The following CYP2C18 variants were observed in gnomAD, a reference collection of about 807,000 sequenced individuals.
CYP2C18 encodes cytochrome P450 2C18.
A neutral mutation model predicts 41.3 loss-of-function variants in CYP2C18; 38 were observed. The observed-to-expected ratio is 0.92, with a 90% CI of 0.71 to 1.21. CYP2C18 has a LOEUF of 1.21. Ranked by LOEUF, CYP2C18 falls within the 50% of genes most tolerant of loss-of-function variation. The pLI is 0.00. For synonymous variants in CYP2C18, 236 were observed against 210.0 expected (o/e 1.12, Z -1.07); for missense variants, 635 against 591.4 (o/e 1.07, Z -0.77).
intron 4 of CYP2C18, among the ~76,000 whole-genome samples, chr10:94,700,114 T>C (rs868710020): frequency 6.6e-6 from 1 of 152,132 alleles, no homozygotes; most frequent in East Asian, 1.9e-4. Flanking sequence ...CTGCACAGAA[T>C]TGGAAAAAAC....
chr10:94,687,670 C>T (rs938363690), intron 1 of CYP2C18, 100 bp from the exon 2 acceptor site: 3 of 1,054,780 alleles, frequency 2.8e-6, no homozygotes, highest in Admixed American at 4.6e-5. Context: ...ACAGAATAAT[C>T]ATAACAACAT....
chr10:94,733,461 T>C, intron 8 of CYP2C18, 23 bp downstream of exon 8: 1 of 1,612,270 alleles, frequency 6.2e-7, no homozygotes, highest in East Asian at 2.2e-5. Context: ...CATTTCCATC[T>C]GTCCTTCAGG....
chr10:94,698,104 C>T (rs1004480599), intron 4 of CYP2C18, among the ~76,000 whole-genome samples: 2 of 152,096 alleles, frequency 1.3e-5, no homozygotes, highest in Admixed American at 6.6e-5. Context: ...TATCCAGGAA[C>T]TGAACTCAGC....
intron 3 of CYP2C18, among the ~76,000 whole-genome samples, chr10:94,689,802 T>C (rs1323949855): frequency 2.0e-5 from 3 of 152,182 alleles, no homozygotes; most frequent in Non-Finnish European, 2.9e-5. Context: ...TGATACACCA[T>C]GGATACAGAG....
intron 5 of CYP2C18, among the ~76,000 whole-genome samples, chr10:94,714,612 G>A (rs1847505992): frequency 6.6e-6 from 1 of 152,210 alleles, no homozygotes; most frequent in African/African-American, 2.4e-5. Context: ...CAGGTAGCAT[G>A]ATGCCTCCAG....
intron 4 of CYP2C18, among the ~76,000 whole-genome samples, chr10:94,695,370 C>G (rs1345859141): frequency 6.6e-6 from 1 of 152,100 alleles, no homozygotes; most frequent in Non-Finnish European, 1.5e-5. Flanking sequence ...TCACCTCCCA[C>G]TTAAGAGTGA....
At chr10:94,688,063 G>A in intron 2 of CYP2C18, 62 bp from the exon 3 acceptor site, 1 of 1,609,788 alleles carries the variant, frequency 6.2e-7, no homozygotes, top group South Asian at 1.1e-5. Flanking sequence ...TGGCTGCCGA[G>A]TGTCAGCTCT....
At chr10:94,731,239 G>A (rs1017464337) in intron 7 of CYP2C18, among the ~76,000 whole-genome samples, 1 of 152,050 alleles carries the variant, frequency 6.6e-6, no homozygotes. Context: ...AGTTAGCCAG[G>A]CAAGGTGGCA....
Position 94,733,419 on chromosome 10 carries a change from C to G in CYP2C18, c.1272C>G (p.Tyr424Ter), listed in dbSNP as rs1189330145. Residue 424 changes from tyrosine (Y) to a stop codon, truncating the protein, a stop_gained, in exon 8 of 9, where the codon TAC becomes TAG. Transcript: ENST00000285979. LOFTEE classifies it low-confidence loss of function (END_TRUNC). ...GTGGCAACTTTAAGAAAAGTGACTACTTCATGCCTTTCTCAGCAGGTAATA... is the reference window on the plus strand; with the variant it reads ...GTGGCAACTTTAAGAAAAGTGACTAGTTCATGCCTTTCTCAGCAGGTAATA... ...DKSGNFKKSD[Y>*]FMPFSAGKRM... 2.5e-6 allele frequency: 4 copies of G among 1,613,288 alleles called. No homozygotes were observed. Among genetic ancestry groups the G allele is most frequent in the African/African-American group, 2.7e-5 (2 of 74,972 alleles).
At chr10:94,703,085 C>T (rs1447434865) in intron 4 of CYP2C18, among the ~76,000 whole-genome samples, 2 of 152,194 alleles carry the variant, frequency 1.3e-5, no homozygotes, top group Non-Finnish European at 2.9e-5. Flanking sequence ...GCAAAGATTG[C>T]TGCCTGCTCC....
At chr10:94,724,606 C>G (rs1350637723) in intron 7 of CYP2C18, 73 bp downstream of exon 7, 2 of 1,345,130 alleles carry the variant, frequency 1.5e-6, no homozygotes, top group Non-Finnish European at 2.1e-6. Flanking sequence ...TCCCAATCCT[C>G]TAACAACACA....
chr10:94,711,460 A>C (rs1372644183), intron 5 of CYP2C18, among the ~76,000 whole-genome samples: 2 of 151,924 alleles, frequency 1.3e-5, no homozygotes, highest in Admixed American at 1.3e-4. Context: ...CCAGGCTGGA[A>C]TGCATTGGCA....
At position 94,720,457 on chromosome 10, in the gene CYP2C18, T is replaced by C. The variant is rs1282732470; in HGVS notation, c.881T>C (p.Met294Thr). 6.2e-7 allele frequency: 1 copy of C among 1,613,282 alleles called. No individual in the cohort carries two copies. Among genetic ancestry groups the C allele is most frequent in the Non-Finnish European group, 8.5e-7 (1 of 1,179,472 alleles). ...AGCTTGATAGCCACTGTAACTGATA[T>C]GTTTGGGGCTGGAACAGAGACAACG... ...VESLIATVTD[M>T]FGAGTETTST... is the part of the protein sequence containing the mutation. The change falls in exon 6 of 9, where the codon ATG (methionine) becomes ACG (threonine). Residue 294 changes from methionine (M) to threonine (T), a missense_variant. By Grantham distance (81) the Met-to-Thr change is moderately conservative. Transcript: ENST00000285979.
chr10:94,718,449 A>G (rs554401305), intron 5 of CYP2C18, among the ~76,000 whole-genome samples: 4 of 152,174 alleles, frequency 2.6e-5, no homozygotes, highest in Admixed American at 1.3e-4. Context: ...TTCTTGTCTC[A>G]TTGCTCTGGC....
At chr10:94,727,971 T>C (rs1264539010) in intron 7 of CYP2C18, among the ~76,000 whole-genome samples, 1 of 152,176 alleles carries the variant, frequency 6.6e-6, no homozygotes, top group Non-Finnish European at 1.5e-5. Flanking sequence ...GGAATTATTA[T>C]CAATACATTA....
At chr10:94,713,327 C>G (rs184596937) in intron 5 of CYP2C18, among the ~76,000 whole-genome samples, 1 of 152,050 alleles carries the variant, frequency 6.6e-6, no homozygotes, top group East Asian at 1.9e-4. Flanking sequence ...GCTATCCCTC[C>G]CCGCTCCCCC....
intron 5 of CYP2C18, among the ~76,000 whole-genome samples, chr10:94,707,982 T>G (rs1847372494): frequency 6.6e-6 from 1 of 152,150 alleles, no homozygotes; most frequent in African/African-American, 2.4e-5. Context: ...AAAGTACTCT[T>G]TGAACTGAGA....
chr10:94,710,606 A>G (rs1847418485), intron 5 of CYP2C18, among the ~76,000 whole-genome samples: 1 of 152,182 alleles, frequency 6.6e-6, no homozygotes, highest in South Asian at 2.1e-4. Flanking sequence ...TTTGTACATA[A>G]CCACTGATTT....
intron 4 of CYP2C18, among the ~76,000 whole-genome samples, chr10:94,698,072 G>T (rs942937462): frequency 6.6e-4 from 100 of 152,158 alleles, no homozygotes; most frequent in African/African-American, 2.3e-3. Flanking sequence ...GACAGATCAA[G>T]GAGACAGAAG....
Sources: allele counts gnomAD v4.1 joint callset (sites outside exome capture counted in the v4.1 genomes callset), GRCh38; gene constraint gnomAD v4.1.1; transcripts MANE v1.5; gene names NCBI Gene and HGNC (gene_info 2026-07-23, HGNC 2026-07-21).